The following HS3ST4 variants were observed in gnomAD, a reference collection of about 807,000 sequenced individuals.
HS3ST4 encodes the protein heparan sulfate-glucosamine 3-sulfotransferase 4.
A neutral mutation model predicts 29.2 loss-of-function variants in HS3ST4; 17 were observed. The ratio of observed to expected loss-of-function variants is 0.58; its 90% CI spans 0.40 to 0.87. HS3ST4 has a LOEUF of 0.87. HS3ST4 is among the 40% of genes least tolerant of loss of function. HS3ST4 has a pLI of 0.00. For missense variants in HS3ST4, 627 were observed against 634.5 expected (o/e 0.99, Z 0.13); for synonymous variants, 314 against 285.7 (o/e 1.10, Z -1.00).
intron 1 of HS3ST4, among the ~76,000 whole-genome samples, chr16:25,777,220 G>T (rs74012496): frequency 0.019 from 2,947 of 152,270 alleles, 91 homozygotes; most frequent in African/African-American, 0.066. Flanking sequence ...AATTAACATT[G>T]CCTATCCTCC....
chr16:25,765,773 A>G (rs770074379), intron 1 of HS3ST4, among the ~76,000 whole-genome samples: 2 of 152,024 alleles, frequency 1.3e-5, no homozygotes, highest in Non-Finnish European at 2.9e-5. Flanking sequence ...CAACCTGTAG[A>G]CCTATTTTCT....
intron 1 of HS3ST4, among the ~76,000 whole-genome samples, chr16:25,805,687 A>ACC (rs1045722090): frequency 2.6e-5 from 4 of 152,092 alleles, no homozygotes; most frequent in Non-Finnish European, 5.9e-5. Flanking sequence ...GCCTCAAATT[A>ACC]CTTCTTTTTA....
At chr16:25,712,742 G>A (rs1596550510) in intron 1 of HS3ST4, among the ~76,000 whole-genome samples, 1 of 152,178 alleles carries the variant, frequency 6.6e-6, no homozygotes, top group East Asian at 1.9e-4. Context: ...CAGAGAAAAT[G>A]TAAAATTCTT....
chr16:26,028,682 A>G (rs1297151160), intron 1 of HS3ST4, among the ~76,000 whole-genome samples: 2 of 152,206 alleles, frequency 1.3e-5, no homozygotes, highest in Admixed American at 6.5e-5. Flanking sequence ...AAAAAGCCCA[A>G]ACTATCCCAC....
chr16:25,906,953 G>C (rs1420305572), intron 1 of HS3ST4, among the ~76,000 whole-genome samples: 1 of 152,154 alleles, frequency 6.6e-6, no homozygotes, highest in Non-Finnish European at 1.5e-5. Flanking sequence ...CTAGTGCTTT[G>C]AGAAGCCTAG....
rs186178699 is a variant in HS3ST4, at chr16:26,032,881, G to A, written c.735-102731G>A. 694 of 1,384,598 alleles carry A rather than the reference G, an allele frequency of 5.0e-4. 3 individuals are homozygous for A. In the African/African-American group the frequency reaches 8.9e-3, roughly 18 times the overall value. 85.8% of individuals were successfully genotyped at this position (1,384,598 alleles called of 1,614,324 possible). ...ATGCAGTGGCGCGCGGGCTTTGGTC[G>A]GTCTGGGGGTCGTTCTCGCCTCTTC... On this transcript the variant is annotated intron_variant, in intron 1 of 1. Coordinates refer to ENST00000331351, the MANE Select transcript of HS3ST4 (RefSeq NM_006040.3).
intron 1 of HS3ST4, among the ~76,000 whole-genome samples, chr16:25,958,997 AC>A (rs1968766114): frequency 6.6e-6 from 1 of 152,258 alleles, no homozygotes; most frequent in Admixed American, 6.5e-5. Context: ...AAGTCAATAC[AC>A]TGAGACATGG....
chr16:25,932,265 G>C (rs1378303681), intron 1 of HS3ST4, among the ~76,000 whole-genome samples: 1 of 152,190 alleles, frequency 6.6e-6, no homozygotes. Context: ...AGTGAATTGT[G>C]ATTGTGCCAC....
In HS3ST4 at chr16:26,136,386, T is replaced by C. The variant is rs1898284582; in HGVS notation, c.*138T>C. 3.6e-6 allele frequency: 3 copies of C among 827,592 alleles called. No individual in the cohort carries two copies. The highest frequency in any genetic ancestry group is 5.5e-6 in the Non-Finnish European group (3 of 543,638). The allele number at this position is 827,592 out of a possible 1,614,324, so 51.3% of individuals were successfully genotyped here. A position where few individuals can be genotyped will look rare whatever the true frequency, so the allele number is the denominator to read the frequency against. On this transcript the variant is annotated 3_prime_UTR_variant, in exon 2 of 2. Coordinates refer to ENST00000331351, the MANE Select transcript of HS3ST4 (RefSeq NM_006040.3). ...CCTCCTTCATGCAGCCAGGATTGCC[T>C]CCAGTGCTGTTAGCTTAGGCAAACA... is the stretch of plus-strand genomic sequence containing the variant.
chr16:26,029,517 A>G (rs1159847952), intron 1 of HS3ST4, among the ~76,000 whole-genome samples: 1 of 151,794 alleles, frequency 6.6e-6, no homozygotes, highest in Non-Finnish European at 1.5e-5. Context: ...GGTTCAAGTG[A>G]TTCTCCTGCC....
At chr16:25,822,478 A>G (rs992124951) in intron 1 of HS3ST4, among the ~76,000 whole-genome samples, 1 of 151,954 alleles carries the variant, frequency 6.6e-6, no homozygotes, top group African/African-American at 2.4e-5. Flanking sequence ...CCTAGACTTT[A>G]TTTTTTCTCT....
intron 1 of HS3ST4, among the ~76,000 whole-genome samples, chr16:26,092,914 C>T (rs780174646): frequency 2.0e-5 from 3 of 152,062 alleles, no homozygotes; most frequent in Non-Finnish European, 4.4e-5. Context: ...AAGGTCTTAG[C>T]AACTGGCAGA....
intron 1 of HS3ST4, among the ~76,000 whole-genome samples, chr16:26,080,914 A>G (rs902493153): frequency 3.9e-5 from 6 of 152,160 alleles, no homozygotes; most frequent in African/African-American, 1.4e-4. Context: ...CTTGCTCATC[A>G]AAGTGCGTCC....
intron 1 of HS3ST4, among the ~76,000 whole-genome samples, chr16:25,989,898 A>G (rs1482365032): frequency 6.6e-6 from 1 of 152,244 alleles, no homozygotes; most frequent in African/African-American, 2.4e-5. Flanking sequence ...CCGGAAGTCC[A>G]TAGTTTACCT....
chr16:26,084,605 GAA>G (rs1222939208), intron 1 of HS3ST4, among the ~76,000 whole-genome samples: 9 of 149,992 alleles, frequency 6.0e-5, no homozygotes, highest in African/African-American at 2.3e-4. Context: ...TCAAATGGTT[GAA>G]AAAAATTTTT....
At chr16:25,733,049 C>A (rs1966582089) in intron 1 of HS3ST4, among the ~76,000 whole-genome samples, 2 of 152,156 alleles carry the variant, frequency 1.3e-5, no homozygotes, top group South Asian at 4.1e-4. Flanking sequence ...CCAAAGAAGA[C>A]CATCTCTGAG....
In HS3ST4 at chr16:25,734,200, A is replaced by G. The variant is rs561095327; in HGVS notation, c.734+41049A>G. ...TCTCTTTTCTGGCTATGTGTGCAATATGGGTTCAGTTTTGCCAGAACATCC... is the reference window on the plus strand; with the variant it reads ...TCTCTTTTCTGGCTATGTGTGCAATGTGGGTTCAGTTTTGCCAGAACATCC... On this transcript the variant is annotated intron_variant, in intron 1 of 1. Transcript: ENST00000331351. Among the ~76,000 whole-genome samples, 5 of 152,374 alleles carry G rather than the reference A, an allele frequency of 3.3e-5. No individual in the cohort carries two copies. In the East Asian group the frequency reaches 9.6e-4, roughly 29 times the overall value.
At chr16:26,011,596 T>C (rs1185793049) in intron 1 of HS3ST4, among the ~76,000 whole-genome samples, 1 of 152,138 alleles carries the variant, frequency 6.6e-6, no homozygotes, top group Non-Finnish European at 1.5e-5. Flanking sequence ...TTAAAATACA[T>C]GACCACGTAC....
At chr16:25,837,039 A>G (rs1211177669) in intron 1 of HS3ST4, among the ~76,000 whole-genome samples, 1 of 152,194 alleles carries the variant, frequency 6.6e-6, no homozygotes, top group Non-Finnish European at 1.5e-5. Flanking sequence ...CCAGGTCAGT[A>G]TGGGTTGAGA....
Sources: gnomAD v4.1 joint callset for allele counts (sites outside exome capture counted in the v4.1 genomes callset) on GRCh38, gnomAD v4.1.1 for gene constraint, MANE v1.5 for transcripts, NCBI Gene and HGNC (gene_info 2026-07-23, HGNC 2026-07-21) for gene names.